The following KCNQ1 variants were observed in gnomAD, a reference collection of about 807,000 sequenced individuals.
The protein encoded by KCNQ1 is potassium voltage-gated channel subfamily KQT member 1.
Under a neutral mutation model 72.4 loss-of-function variants are expected in KCNQ1, and 49 were observed. The observed-to-expected ratio is 0.68, with a 90% confidence interval of 0.54 to 0.86. The LOEUF (loss-of-function observed/expected upper bound fraction) is 0.86. KCNQ1 is among the 40% of genes least tolerant of loss of function. The pLI is 0.00. For missense variants in KCNQ1, 790 were observed against 945.1 expected (o/e 0.84, Z 2.15); for synonymous variants, 450 against 412.6 (o/e 1.09, Z -1.10).
rs1002010868 is a variant in KCNQ1 at position 2,621,992 on chromosome 11, T to C, written c.1393+33138T>C. The C allele has an allele frequency of 1.8e-5, 7 of 398,300 alleles. No individual in the cohort carries two copies. Among genetic ancestry groups the C allele is most frequent in the African/African-American group, 1.4e-4 (7 of 48,622 alleles). 24.7% of individuals were successfully genotyped at this position (398,300 alleles called of 1,614,324 possible). On this transcript the variant is annotated intron_variant, in intron 10 of 15. Coordinates refer to ENST00000155840, the MANE Select transcript of KCNQ1 (RefSeq NM_000218.3). The surrounding 1 kb of genome is among the most constrained non-coding windows in gnomAD (Gnocchi z 5.7). ...TTGAAATATCTCTTCTTTTTTAATG[T>C]AGGCAAGGCATTTATTGCTGTAAAC... is the stretch of plus-strand genomic sequence containing the variant.
At chr11:2,844,123 G>C (rs1244273095) in intron 15 of KCNQ1, among the ~76,000 whole-genome samples, 1 of 152,204 alleles carries the variant, frequency 6.6e-6, no homozygotes, top group Non-Finnish European at 1.5e-5. Context: ...AAAACCAAAC[G>C]TGCCAGCGAG....
rs550299977 is a variant in KCNQ1, at chr11:2,791,678, G to C, written c.1794+13641G>C. On this transcript the variant is annotated intron_variant, in intron 15 of 15. Coordinates refer to ENST00000155840, the MANE Select transcript of KCNQ1 (RefSeq NM_000218.3). The stretch of plus-strand genomic sequence containing the variant: ...CAGGTGTGGACCCCGAGGTTGTGCG[G>C]GGGCTTGGCGGCAGCTGCGGGTGGG... Among the ~76,000 whole-genome samples the C allele has an allele frequency of 1.1e-4, 16 of 152,170 alleles. No individual in the cohort carries two copies. The South Asian group carries it at 3.1e-3, about 30-fold the overall frequency.
rs905083410 is a variant in KCNQ1, at chr11:2,669,037, C to T, written c.1514+6956C>T. 14 of 398,562 alleles carry T rather than the reference C, an allele frequency of 3.5e-5. No individual in the cohort carries two copies. Among genetic ancestry groups the T allele is most frequent in the Non-Finnish European group, 5.3e-5 (12 of 226,122 alleles). The allele number at this position is 398,562 out of a possible 1,614,324, so 24.7% of individuals were successfully genotyped here. On this transcript the variant is annotated intron_variant, in intron 11 of 15. Transcript: ENST00000155840. This position sits in a 1 kb window ranked among gnomAD's most constrained non-coding sequence, Gnocchi z 5.6. ...TGGATATCCAGTCTAGCTCAGCACC[C>T]GGCATGGGAAGGCCCGTCCTCTCCC... is the stretch of plus-strand genomic sequence containing the variant.
chr11:2,482,249 C>T lies in KCNQ1; in HGVS notation c.386+36765C>T, dbSNP rs1457597057. ...TTGCCTATGTGTGTCTGTGCAAATA[C>T]TTGGTAAAATTGAGAGGGTACTAGA... On this transcript the variant is annotated intron_variant, in intron 1 of 15. Transcript: ENST00000155840. The surrounding 1 kb of genome is among the most constrained non-coding windows in gnomAD (Gnocchi z 5.7). Among the ~76,000 whole-genome samples the T allele has an allele frequency of 6.6e-6, 1 of 152,092 alleles. No homozygotes were observed. Among genetic ancestry groups the T allele is most frequent in the Non-Finnish European group, 1.5e-5 (1 of 68,026 alleles).
In KCNQ1 at chr11:2,507,778, G is replaced by A. The variant is rs1057153132; in HGVS notation, c.387-20150G>A. On this transcript the variant is annotated intron_variant, in intron 1 of 15. Transcript: ENST00000155840. The surrounding 1 kb of genome is among the most constrained non-coding windows in gnomAD (Gnocchi z 5.4). ...GGCTAGACAGGGCCTCCTGTAGCCT[G>A]GGTGGGTGGAAGGGCAGAGGGCAAG... Among the ~76,000 whole-genome samples the A allele has an allele frequency of 1.3e-5, 2 of 152,086 alleles. No individual in the cohort carries two copies. Among genetic ancestry groups the A allele is most frequent in the African/African-American group, 4.8e-5 (2 of 41,412 alleles).
In KCNQ1 at chr11:2,695,899, T is replaced by C. The variant is rs1011293960; in HGVS notation, c.1514+33818T>C. ...CCTGCAAACTGGCAATCTTCCTACC[T>C]TTTTCTTAATGATTTGTGGTGCTTT... On this transcript the variant is annotated intron_variant, in intron 11 of 15. Transcript: ENST00000155840. This position sits in a 1 kb window ranked among gnomAD's most constrained non-coding sequence, Gnocchi z 5.2. The C allele has an allele frequency of 1.3e-5, 5 of 398,560 alleles. No homozygotes were observed. In the East Asian group the frequency reaches 1.4e-4, roughly 11 times the overall value. The allele number at this position is 398,560 out of a possible 1,614,324, so 24.7% of individuals were successfully genotyped here. A position where few individuals can be genotyped will look rare whatever the true frequency, so the allele number is the denominator to read the frequency against.
In KCNQ1 at chr11:2,816,870, G is replaced by C. The variant is rs1469071321; in HGVS notation, c.1795-30897G>C. ...GAGCCCTGAACAGACACAGGTGTCT[G>C]TTCAGGGCTCCTCAAATGCACAAAT... is the stretch of plus-strand genomic sequence containing the variant. On this transcript the variant is annotated intron_variant, in intron 15 of 15. Transcript: ENST00000155840. This position sits in a 1 kb window ranked among gnomAD's most constrained non-coding sequence, Gnocchi z 6.8. Among the ~76,000 whole-genome samples the C allele has an allele frequency of 6.6e-6, 1 of 151,918 alleles. No homozygotes were observed. The highest frequency in any genetic ancestry group is 1.9e-4 in the East Asian group (1 of 5,138).
In KCNQ1 at chr11:2,682,459, C is replaced by T. The variant is rs1850414276; in HGVS notation, c.1514+20378C>T. ...ATCCATATGGAGCCTGTCACGGACCCTCAGTGAATGTTTGACGAGTGAGTG... is the reference window on the plus strand; with the variant it reads ...ATCCATATGGAGCCTGTCACGGACCTTCAGTGAATGTTTGACGAGTGAGTG... On this transcript the variant is annotated intron_variant, in intron 11 of 15. Coordinates refer to ENST00000155840, the MANE Select transcript of KCNQ1 (RefSeq NM_000218.3). The surrounding 1 kb of genome is among the most constrained non-coding windows in gnomAD (Gnocchi z 5.8). 1 of 391,804 alleles carries T rather than the reference C, an allele frequency of 2.6e-6. No individual in the cohort carries two copies. Among genetic ancestry groups the T allele is most frequent in the Non-Finnish European group, 4.4e-6 (1 of 224,882 alleles). 24.3% of individuals were successfully genotyped at this position (391,804 alleles called of 1,614,324 possible).
At chr11:2,709,230 C>A (rs185258138) in intron 11 of KCNQ1, among the ~76,000 whole-genome samples, 1 of 137,876 alleles carries the variant, frequency 7.3e-6, no homozygotes, top group Admixed American at 7.3e-5. Context: ...GCCCCCCCCA[C>A]CCCCACCCCC....
chr11:2,719,288 G>A lies in KCNQ1; in HGVS notation c.1515-49556G>A, dbSNP rs558742325. ...GTCCCAGCACTTTGGGAGGCCAGGC[G>A]TTAGAGACCAGCCTGGGCAGTATAA... On this transcript the variant is annotated intron_variant, in intron 11 of 15. Coordinates refer to ENST00000155840, the MANE Select transcript of KCNQ1 (RefSeq NM_000218.3). Among the ~76,000 whole-genome samples, 18 of 145,522 alleles carry A rather than the reference G, an allele frequency of 1.2e-4. 1 individual carries two copies. The highest frequency in any genetic ancestry group is 7.9e-4 in the East Asian group (4 of 5,032).
intron 11 of KCNQ1, among the ~76,000 whole-genome samples, chr11:2,700,463 G>A (rs537310637): frequency 0.012 from 1,762 of 152,222 alleles, 19 homozygotes; most frequent in Non-Finnish European, 0.019. Flanking sequence ...TCCAGGCCAC[G>A]CCCGAGACCA....
chr11:2,694,916 C>T (rs1018698914), intron 11 of KCNQ1: 23 of 398,608 alleles, frequency 5.8e-5, no homozygotes, highest in Non-Finnish European at 9.3e-5. Flanking sequence ...AAAGACAAGC[C>T]AGGCAGAGGT....
Position 2,550,066 on chromosome 11 carries a change from G to A in KCNQ1, c.478-20562G>A, listed in dbSNP as rs919822565. 1.3e-5 allele frequency among the ~76,000 whole-genome samples: 2 copies of A among 152,180 alleles called. No individual in the cohort carries two copies. The highest frequency in any genetic ancestry group is 2.4e-5 in the African/African-American group (1 of 41,444). On this transcript the variant is annotated intron_variant, in intron 2 of 15. Transcript: ENST00000155840. This position sits in a 1 kb window ranked among gnomAD's most constrained non-coding sequence, Gnocchi z 6.0. ...GAACTGGACCCCAATGTGCAGGTCTGGGTGTGGATGTATCTGTATGTCTTT... is the reference window on the plus strand; with the variant it reads ...GAACTGGACCCCAATGTGCAGGTCTAGGTGTGGATGTATCTGTATGTCTTT...
rs2044102320 is a variant in KCNQ1 at position 2,668,691 on chromosome 11, C to T, written c.1514+6610C>T. On this transcript the variant is annotated intron_variant, in intron 11 of 15. Transcript: ENST00000155840. The surrounding 1 kb of genome is among the most constrained non-coding windows in gnomAD (Gnocchi z 4.3). ...GTCATTTGTCAGAGAGAGAGATACA[C>T]ACACTCACACTCTCTCACAGACACA... The T allele has an allele frequency of 5.0e-6, 2 of 398,590 alleles. No individual in the cohort carries two copies. The allele number at this position is 398,590 out of a possible 1,614,324, so 24.7% of individuals were successfully genotyped here. A position where few individuals can be genotyped will look rare whatever the true frequency, so the allele number is the denominator to read the frequency against.
intron 11 of KCNQ1, chr11:2,697,852 C>G (rs1347007983): frequency 1.0e-5 from 4 of 398,510 alleles, no homozygotes; most frequent in South Asian, 1.3e-4. Context: ...TGAATTTGGA[C>G]ATGCTCTGAT....
Position 2,659,837 on chromosome 11 carries a change from T to G in KCNQ1, c.1394-2124T>G. On this transcript the variant is annotated intron_variant, in intron 10 of 15. Transcript: ENST00000155840. The surrounding 1 kb of genome is among the most constrained non-coding windows in gnomAD (Gnocchi z 4.3). ...CTAATTTGCATTTCCATATTTATGTTAATTATGTATCTTTTCATGTGCTTA... is the reference window on the plus strand; with the variant it reads ...CTAATTTGCATTTCCATATTTATGTGAATTATGTATCTTTTCATGTGCTTA... 1 of 398,494 alleles carries G rather than the reference T, an allele frequency of 2.5e-6. No individual in the cohort carries two copies. Among genetic ancestry groups the G allele is most frequent in the Non-Finnish European group, 4.4e-6 (1 of 226,006 alleles). The allele number at this position is 398,494 out of a possible 1,614,324, so 24.7% of individuals were successfully genotyped here.
intron 1 of KCNQ1, among the ~76,000 whole-genome samples, chr11:2,523,756 T>TTTTG (rs1190972555): frequency 5.0e-4 from 73 of 146,366 alleles, no homozygotes; most frequent in Admixed American, 1.4e-3. Flanking sequence ...TTACAGTTTT[T>TTTTG]TTTTTTTTTT....
In KCNQ1 at chr11:2,544,302, G is replaced by A. The variant is rs1044617570; in HGVS notation, c.477+16284G>A. ...TATGTGTATATATATATGTATATAT[G>A]TGTATATATGTATATATCTATGTAT... is the stretch of plus-strand genomic sequence containing the variant. On this transcript the variant is annotated intron_variant, in intron 2 of 15. Coordinates refer to ENST00000155840, the MANE Select transcript of KCNQ1 (RefSeq NM_000218.3). The surrounding 1 kb of genome is among the most constrained non-coding windows in gnomAD (Gnocchi z 4.4). 2.8e-5 allele frequency among the ~76,000 whole-genome samples: 4 copies of A among 143,334 alleles called. No homozygotes were observed. Among genetic ancestry groups the A allele is most frequent in the African/African-American group, 8.0e-5 (3 of 37,470 alleles). 94.0% of individuals were successfully genotyped at this position (143,334 alleles called of 152,430 possible). A position where few individuals can be genotyped will look rare whatever the true frequency, so the allele number is the denominator to read the frequency against.
In KCNQ1 at chr11:2,746,991, C is replaced by G. The variant is rs1285763164; in HGVS notation, c.1515-21853C>G. ...CTGTGCAGGCAGCCTGGGTAATGGGCCACCGCCCCAGGCAGGCGTGGGAAT... is the reference window on the plus strand; with the variant it reads ...CTGTGCAGGCAGCCTGGGTAATGGGGCACCGCCCCAGGCAGGCGTGGGAAT... On this transcript the variant is annotated intron_variant, in intron 11 of 15. Transcript: ENST00000155840. This position sits in a 1 kb window ranked among gnomAD's most constrained non-coding sequence, Gnocchi z 5.9. Among the ~76,000 whole-genome samples the G allele has an allele frequency of 1.3e-5, 2 of 152,206 alleles. No homozygotes were observed. The highest frequency in any genetic ancestry group is 4.8e-5 in the African/African-American group (2 of 41,456).
Sources: gnomAD v4.1 joint callset for allele counts (sites outside exome capture counted in the v4.1 genomes callset) on GRCh38, gnomAD v4.1.1 for gene constraint, Gnocchi (gnomAD v3.1) non-coding constraint, MANE v1.5 for transcripts, NCBI Gene and HGNC (gene_info 2026-07-23, HGNC 2026-07-21) for gene names.